Variants in HIF3A observed in about 807,000 individuals in gnomAD.
The protein encoded by HIF3A is hypoxia inducible factor 3 subunit alpha, also known as hypoxia-inducible factor 3-alpha.
HIF3A carries 41 observed loss-of-function variants against 67.2 expected under a neutral mutation model. The ratio of observed to expected loss-of-function variants is 0.61; its 90% confidence interval spans 0.48 to 0.79. The LOEUF is 0.79. HIF3A is among the 30% of genes least tolerant of loss of function. HIF3A has a pLI of 0.00. For missense variants in HIF3A, 855 were observed against 898.0 expected (o/e 0.95, Z 0.61); for synonymous variants, 356 against 374.8 (o/e 0.95, Z 0.58).
Position 46,325,479 on chromosome 19 carries a change from T to A in HIF3A, c.1336-56T>A, listed in dbSNP as rs114330720. The A allele has an allele frequency of 2.7e-3, 3,384 of 1,260,744 alleles. 77 individuals are homozygous for A. The African/African-American group carries it at 0.045, about 17-fold the overall frequency. The allele number at this position is 1,260,744 out of a possible 1,614,324, so 78.1% of individuals were successfully genotyped here. ...ACCCTTGAGCTGCAGACTGTCTTAA[T>A]GTTGATACCTCCCAGGCTCAAGATT... On this transcript the variant is annotated intron_variant, in intron 10 of 14. Transcript: ENST00000377670.
chr19:46,322,267 C>T (rs1970428256), intron 10 of HIF3A, among the ~76,000 whole-genome samples: 1 of 151,988 alleles, frequency 6.6e-6, no homozygotes, highest in Non-Finnish European at 1.5e-5. Context: ...CAAATGTGGG[C>T]AGTTTTTCCC....
intron 10 of HIF3A, among the ~76,000 whole-genome samples, chr19:46,322,833 A>G (rs1254048284): frequency 6.6e-6 from 1 of 152,136 alleles, no homozygotes; most frequent in Non-Finnish European, 1.5e-5. Flanking sequence ...TATTGCACGG[A>G]TACGGATGAA....
intron 11 of HIF3A, 128 bp from the exon 12 acceptor site, chr19:46,329,079 A>C (rs1188085662): frequency 1.2e-6 from 1 of 860,566 alleles, no homozygotes; most frequent in Non-Finnish European, 1.8e-6. Context: ...CCCATTTTAC[A>C]GATGAGGAAA....
At chr19:46,314,012 C>T (rs1286016144) in intron 8 of HIF3A, among the ~76,000 whole-genome samples, 1 of 151,894 alleles carries the variant, frequency 6.6e-6, no homozygotes, top group Admixed American at 6.6e-5. Flanking sequence ...AACAGTATTC[C>T]ATGGTATGAA....
intron 1 of HIF3A, chr19:46,298,215 T>TCCCCTCCC: frequency 3.7e-6 from 1 of 273,774 alleles, no homozygotes; most frequent in Non-Finnish European, 7.2e-6. Context: ...ACCGCCCCCA[T>TCCCCTCCC]CCTCTCCCCT....
At chr19:46,312,899 T>A in intron 8 of HIF3A, 1 of 1,142,642 alleles carries the variant, frequency 8.8e-7, no homozygotes, top group African/African-American at 1.7e-5. Context: ...TTTTTTTTTT[T>A]TTTTTTTTTT....
At chr19:46,331,086 C>A in intron 12 of HIF3A, 70 bp from the exon 13 acceptor site, 1 of 1,216,470 alleles carries the variant, frequency 8.2e-7, no homozygotes, top group Non-Finnish European at 1.2e-6. Flanking sequence ...ATGCTCATCA[C>A]CTGCTTACAC....
In HIF3A at chr19:46,329,214, A is replaced by C; in HGVS notation, c.1448A>C (p.Asp483Ala). ...CCCTCCTGCCCTCCGCAGGATGCTGATGCTCTGGATTTGGAGATGCTGGCC... is the reference window on the plus strand; with the variant it reads ...CCCTCCTGCCCTCCGCAGGATGCTGCTGCTCTGGATTTGGAGATGCTGGCC... The part of the protein sequence containing the change: ...ETDLDIAQDA[D>A]ALDLEMLAPY... Residue 483 changes from aspartate to alanine, a missense_variant, in exon 12 of 15, where the codon GAT becomes GCT. Around this residue, in one of 3 missense-constraint regions of HIF3A, gnomAD observed 638 missense variants for 660.5 expected, o/e 0.97. Transcript: ENST00000377670. 6.2e-7 allele frequency: 1 copy of C among 1,605,038 alleles called. No homozygotes were observed. The highest frequency in any genetic ancestry group is 8.5e-7 in the Non-Finnish European group (1 of 1,174,864).
intron 8 of HIF3A, among the ~76,000 whole-genome samples, chr19:46,317,052 C>T (rs1255914426): frequency 6.6e-6 from 1 of 152,130 alleles, no homozygotes; most frequent in Admixed American, 6.5e-5. Context: ...TCCCAAGTAG[C>T]TGGGACTATA....
intron 10 of HIF3A, among the ~76,000 whole-genome samples, chr19:46,324,927 TAC>T (rs1970647034): frequency 7.0e-6 from 1 of 143,464 alleles, no homozygotes; most frequent in African/African-American, 2.6e-5. Flanking sequence ...CATATATATA[TAC>T]ACATATATAT....
chr19:46,308,007 T>C (rs57238925), intron 3 of HIF3A, among the ~76,000 whole-genome samples: 1,005 of 42,758 alleles, frequency 0.024, 17 homozygotes, highest in African/African-American at 0.05. Flanking sequence ...GACAGATAGA[T>C]AGATAGATAG....
chr19:46,329,592 G>T (rs1245862649), intron 12 of HIF3A, 114 bp downstream of exon 12: 20 of 1,293,726 alleles, frequency 1.5e-5, no homozygotes, highest in Non-Finnish European at 7.1e-6. Context: ...CTCTGCTCCA[G>T]CCAGGCCCTC....
intron 1 of HIF3A, among the ~76,000 whole-genome samples, chr19:46,299,129 C>A (rs966554980): frequency 6.6e-6 from 1 of 152,256 alleles, no homozygotes; most frequent in Non-Finnish European, 1.5e-5. Flanking sequence ...GGCTGGAACA[C>A]GGAGGAAGGG....
Position 46,340,356 on chromosome 19 carries a change from C to T in HIF3A, c.*734C>T. On this transcript the variant is annotated 3_prime_UTR_variant, in exon 15 of 15. Transcript: ENST00000377670. ...CCAGTTCCTCTGCTTCCAAACTATG[C>T]AACCTCCAACCTGCTCCAGTTCCAG... 1 of 152,852 alleles carries T rather than the reference C, an allele frequency of 6.5e-6. No homozygotes were observed. Among genetic ancestry groups the T allele is most frequent in the Non-Finnish European group, 1.5e-5 (1 of 68,460 alleles). The allele number at this position is 152,852 out of a possible 1,614,324, so 9.5% of individuals were successfully genotyped here. A position where few individuals can be genotyped will look rare whatever the true frequency, so the allele number is the denominator to read the frequency against.
intron 3 of HIF3A, among the ~76,000 whole-genome samples, chr19:46,306,114 C>T (rs1290035773): frequency 6.6e-6 from 1 of 152,086 alleles, no homozygotes; most frequent in African/African-American, 2.4e-5. Context: ...AAAGTTTATC[C>T]TCCTAGGTGC....
rs536755793 is a variant in HIF3A, at chr19:46,312,042, C to T, written c.771-119C>T. 4.3e-5 allele frequency: 35 copies of T among 819,340 alleles called. No individual in the cohort carries two copies. The South Asian group carries it at 4.5e-4, about 11-fold the overall frequency. 50.8% of individuals were successfully genotyped at this position (819,340 alleles called of 1,614,324 possible). On this transcript the variant is annotated intron_variant, in intron 6 of 14. Coordinates refer to ENST00000377670, the MANE Select transcript of HIF3A (RefSeq NM_152795.4). ...TTTCTTACTCCTTTTCTCTCGGTTA[C>T]AATCCTTCTCGACATCTTGCTGGCT...
rs543836062 is a variant in HIF3A, at chr19:46,303,115, T to C, written c.27-783T>C. Among the ~76,000 whole-genome samples the C allele has an allele frequency of 3.3e-4, 51 of 152,344 alleles. 1 individual carries two copies. The highest frequency in any genetic ancestry group is 1.1e-3 in the African/African-American group (44 of 41,586). ...TCCTCATCTGTTCAATGGGACGTTA[T>C]CAACTTCCTTCTGGGTGGCCTGAGC... On this transcript the variant is annotated intron_variant, in intron 1 of 14. Coordinates refer to ENST00000377670, the MANE Select transcript of HIF3A (RefSeq NM_152795.4).
chr19:46,305,987 G>A (rs1403699934), intron 3 of HIF3A, among the ~76,000 whole-genome samples: 1 of 152,168 alleles, frequency 6.6e-6, no homozygotes, highest in East Asian at 1.9e-4. Context: ...GCTGAGGTGG[G>A]AAGATCATGT....
At chr19:46,328,785 G>C (rs1205722884) in intron 11 of HIF3A, among the ~76,000 whole-genome samples, 1 of 151,878 alleles carries the variant, frequency 6.6e-6, no homozygotes, top group Admixed American at 6.6e-5. Context: ...GCGATGGTGT[G>C]ATCATGCTCA....
Sources: gnomAD v4.1 joint callset for allele counts (sites outside exome capture counted in the v4.1 genomes callset) on GRCh38, gnomAD v4.1.1 for gene constraint, gnomAD v4.1.1 regional missense constraint, MANE v1.5 for transcripts, NCBI Gene and HGNC (gene_info 2026-07-23, HGNC 2026-07-21) for gene names.